AFF3: variants seen among roughly 807,000 people sequenced by gnomAD.
AFF3 encodes AF4/FMR2 family member 3.
Under a neutral mutation model 129.7 loss-of-function variants are expected in AFF3, and 32 were observed. The observed-to-expected ratio is 0.25, with a 90% CI of 0.19 to 0.33. The LOEUF is 0.33. Among genes scored for constraint, AFF3 ranks in the 10% least tolerant of loss-of-function variants. AFF3 has a pLI of 1.00. For missense variants in AFF3, 1,373 were observed against 1,592.0 expected, an observed-to-expected ratio of 0.86 and a Z score of 2.34; for synonymous variants, 644 against 635.4, an observed-to-expected ratio of 1.01 and a Z score of -0.20.
intron 8 of AFF3, among the ~76,000 whole-genome samples, chr2:99,756,861 G>A (rs969714498): frequency 6.6e-6 from 1 of 152,204 alleles, no homozygotes; most frequent in African/African-American, 2.4e-5. Flanking sequence ...GTGTGTGTAA[G>A]CTTAAGATTA....
chr2:99,632,778 T>C (rs1258638400), intron 13 of AFF3, among the ~76,000 whole-genome samples: 1 of 152,232 alleles, frequency 6.6e-6, no homozygotes, highest in Non-Finnish European at 1.5e-5. Context: ...GGATTTTAAA[T>C]TAGTTGAAGT....
chr2:99,918,057 T>C (rs1695596973), intron 7 of AFF3, among the ~76,000 whole-genome samples: 2 of 152,198 alleles, frequency 1.3e-5, no homozygotes, highest in Non-Finnish European at 2.9e-5. Context: ...TTTTTTCTTT[T>C]AGTGTAGTTT....
intron 7 of AFF3, among the ~76,000 whole-genome samples, chr2:99,945,331 C>T (rs1239113968): frequency 6.6e-6 from 1 of 152,178 alleles, no homozygotes; most frequent in East Asian, 1.9e-4. Context: ...TTACACTTTC[C>T]TTGAAGACTC....
intron 8 of AFF3, among the ~76,000 whole-genome samples, chr2:99,784,574 T>C (rs921141585): frequency 6.6e-6 from 1 of 152,200 alleles, no homozygotes; most frequent in Non-Finnish European, 1.5e-5. Context: ...CATGCTAGTA[T>C]GATATTGGAA....
intron 15 of AFF3, among the ~76,000 whole-genome samples, chr2:99,589,677 G>A (rs528061883): frequency 5.9e-5 from 9 of 151,902 alleles, no homozygotes; most frequent in African/African-American, 1.9e-4. Flanking sequence ...GTGATTATAG[G>A]AGTAAGCCAC....
At chr2:99,625,625 A>T (rs1682468960) in intron 13 of AFF3, among the ~76,000 whole-genome samples, 1 of 152,194 alleles carries the variant, frequency 6.6e-6, no homozygotes. Context: ...AGACGAAATG[A>T]CAAGCGAGAG....
chr2:100,119,231 T>C (rs188716872), intron 2 of AFF3, among the ~76,000 whole-genome samples: 9 of 152,338 alleles, frequency 5.9e-5, no homozygotes, highest in Non-Finnish European at 1.2e-4. Flanking sequence ...GCTCCCTTTT[T>C]ACCCACAGGT....
chr2:99,808,845 A>G (rs888732389), intron 8 of AFF3, among the ~76,000 whole-genome samples: 8 of 152,242 alleles, frequency 5.3e-5, no homozygotes, highest in African/African-American at 1.9e-4. Flanking sequence ...AGAGACTATT[A>G]ATGCTACCAT....
chr2:100,017,980 C>T (rs1683270927), intron 4 of AFF3, among the ~76,000 whole-genome samples: 1 of 151,886 alleles, frequency 6.6e-6, no homozygotes, highest in Non-Finnish European at 1.5e-5. Flanking sequence ...TCAGTTCATT[C>T]TTCCAAGATC....
chr2:99,976,715 A>G (rs1678921960), intron 7 of AFF3, among the ~76,000 whole-genome samples: 2 of 152,220 alleles, frequency 1.3e-5, no homozygotes, highest in African/African-American at 4.8e-5. Flanking sequence ...TGAAAATTTA[A>G]TATAAAACCT....
intron 10 of AFF3, among the ~76,000 whole-genome samples, chr2:99,738,126 T>C (rs1680405035): frequency 6.6e-6 from 1 of 152,162 alleles, no homozygotes; most frequent in African/African-American, 2.4e-5. Flanking sequence ...GATTCTCCGC[T>C]GTCCTGTTTG....
At chr2:100,128,353 C>G (rs1692287749) in intron 2 of AFF3, among the ~76,000 whole-genome samples, 1 of 152,206 alleles carries the variant, frequency 6.6e-6, no homozygotes, top group Non-Finnish European at 1.5e-5. Context: ...GTAACAGAGG[C>G]TCCTTTAAAA....
At chr2:99,823,743 C>T (rs6542900) in intron 8 of AFF3, among the ~76,000 whole-genome samples, 134,525 of 152,276 alleles carry the variant, frequency 0.88, 59,608 homozygotes, top group African/African-American at 0.96. Flanking sequence ...AAACGTGGCA[C>T]GTGTACACCA....
At chr2:99,779,519 T>C (rs1684221018) in intron 8 of AFF3, among the ~76,000 whole-genome samples, 1 of 152,202 alleles carries the variant, frequency 6.6e-6, no homozygotes, top group South Asian at 2.1e-4. Context: ...TTATTATTCT[T>C]ATTAGTCAGT....
At chr2:99,924,016 A>G (rs1449781799) in intron 7 of AFF3, among the ~76,000 whole-genome samples, 1 of 152,150 alleles carries the variant, frequency 6.6e-6, no homozygotes, top group East Asian at 1.9e-4. Flanking sequence ...AATGCAGTCT[A>G]CTGGGAGTGA....
intron 4 of AFF3, among the ~76,000 whole-genome samples, chr2:100,071,876 C>A (rs1688215397): frequency 1.3e-5 from 2 of 152,168 alleles, no homozygotes; most frequent in South Asian, 4.1e-4. Context: ...ACGTACTGTA[C>A]AGCATATGTG....
At chr2:100,119,440 C>G (rs548293227) in intron 2 of AFF3, among the ~76,000 whole-genome samples, 1 of 152,200 alleles carries the variant, frequency 6.6e-6, no homozygotes, top group Admixed American at 6.5e-5. Flanking sequence ...TCTTCATTGG[C>G]CTCATGCTGC....
At chr2:99,731,369 AGTTCT>A (rs1679819591) in intron 10 of AFF3, among the ~76,000 whole-genome samples, 1 of 152,194 alleles carries the variant, frequency 6.6e-6, no homozygotes. Flanking sequence ...AATTTTTATT[AGTTCT>A]GTTATTATTT....
In AFF3 at chr2:99,780,146, A is replaced by G. The variant is rs546171138; in HGVS notation, c.922-27845T>C. On this transcript the variant is annotated intron_variant, in intron 8 of 24. Transcript: ENST00000672756. ...AAACACTCTCCCTTGACCTCACAGCAGACTAGAGCAACTATCCCATTTCTC... is the reference window on the plus strand; with the variant it reads ...AAACACTCTCCCTTGACCTCACAGCGGACTAGAGCAACTATCCCATTTCTC... 2.6e-5 allele frequency among the ~76,000 whole-genome samples: 4 copies of G among 152,258 alleles called. No individual in the cohort carries two copies. In the South Asian group the frequency reaches 8.3e-4, roughly 32 times the overall value.
Sources: gnomAD v4.1 joint callset for allele counts (sites outside exome capture counted in the v4.1 genomes callset) on GRCh38, gnomAD v4.1.1 for gene constraint, MANE v1.5 for transcripts, NCBI Gene and HGNC (gene_info 2026-07-23, HGNC 2026-07-21) for gene names.